CHD1L: variants seen among roughly 807,000 people sequenced by gnomAD.
CHD1L encodes chromodomain helicase DNA binding protein 1 like.
A neutral mutation model predicts 115.9 loss-of-function variants in CHD1L; 118 were observed. The observed-to-expected ratio is 1.02, with a 90% confidence interval of 0.88 to 1.19. The LOEUF is 1.19. Ranked by LOEUF, CHD1L falls within the 50% of genes most tolerant of loss-of-function variation. The probability of loss-of-function intolerance (pLI) is 0.00; values close to 1 mark genes in which losing one functional copy is unlikely to be tolerated. For synonymous variants in CHD1L, 411 were observed against 387.1 expected (o/e 1.06, Z -0.72); for missense variants, 1,179 against 1,065.3 (o/e 1.11, Z -1.49).
chr1:147,188,022 A>G, the CHD1L span, among the ~76,000 whole-genome samples: 1 of 152,156 alleles, frequency 6.6e-6, no homozygotes, highest in African/African-American at 2.4e-5. Context: ...AAAATGATAG[A>G]AAATAAATTT....
At chr1:147,220,956 A>AC in the CHD1L span, among the ~76,000 whole-genome samples, 1 of 151,830 alleles carries the variant, frequency 6.6e-6, no homozygotes, top group South Asian at 2.1e-4. Context: ...AAAAAAAAAA[A>AC]AAACAGTGGG....
At chr1:147,228,408 A>C in the CHD1L span, among the ~76,000 whole-genome samples, 2 of 151,900 alleles carry the variant, frequency 1.3e-5, no homozygotes, top group African/African-American at 4.8e-5. Context: ...CCAGTCTATC[A>C]TTGTTGGACA....
At chr1:147,273,462 C>T (rs1677056590) in intron 12 of CHD1L, among the ~76,000 whole-genome samples, 1 of 152,038 alleles carries the variant, frequency 6.6e-6, no homozygotes, top group Admixed American at 6.6e-5. Context: ...TTTGTTTTAT[C>T]TCCCTAATAA....
the CHD1L span, among the ~76,000 whole-genome samples, chr1:147,206,215 A>G: frequency 1.3e-5 from 2 of 150,718 alleles, no homozygotes; most frequent in Non-Finnish European, 3.0e-5. Flanking sequence ...AACCACAATG[A>G]GTTACCATCT....
intron 22 of CHD1L, 78 bp from the exon 23 acceptor site, chr1:147,295,350 CAAT>C: frequency 1.1e-6 from 1 of 895,942 alleles, no homozygotes. Context: ...ACAGTTATTT[CAAT>C]AATTACTAGA....
At chr1:147,272,059 G>A (rs760575812) in intron 11 of CHD1L, 112 bp from the exon 12 acceptor site, 799 of 717,038 alleles carry the variant, frequency 1.1e-3, no homozygotes, top group Non-Finnish European at 1.7e-3. Flanking sequence ...GTAGGGCTGT[G>A]CCTGTATATG....
At chr1:147,209,195 G>T in the CHD1L span, 1 of 563,170 alleles carries the variant, frequency 1.8e-6, no homozygotes, top group Non-Finnish European at 3.1e-6. Flanking sequence ...CAAGGCGGGC[G>T]GATCACGAGG....
the CHD1L span, among the ~76,000 whole-genome samples, chr1:147,218,275 C>T: frequency 3.3e-3 from 485 of 148,360 alleles, 4 homozygotes; most frequent in African/African-American, 0.011. Context: ...CTCACTCTGT[C>T]GCCAGGCTGG....
the CHD1L span, among the ~76,000 whole-genome samples, chr1:147,192,155 C>A: frequency 6.6e-6 from 1 of 152,072 alleles, no homozygotes; most frequent in Non-Finnish European, 1.5e-5. Flanking sequence ...ATGGAATGTT[C>A]TTCCATTTCT....
At chr1:147,188,931 A>T in the CHD1L span, among the ~76,000 whole-genome samples, 40 of 152,186 alleles carry the variant, frequency 2.6e-4, 1 homozygote, top group South Asian at 7.9e-3. Flanking sequence ...AAAGCACCAA[A>T]CTCAGTAGTG....
chr1:147,293,507 C>G, intron 20 of CHD1L, 101 bp from the exon 21 acceptor site: 1 of 864,196 alleles, frequency 1.2e-6, no homozygotes, highest in Non-Finnish European at 1.9e-6. Flanking sequence ...AGAGCCAAGC[C>G]CAAGTGACCC....
chr1:147,173,754 GC>G, the CHD1L span, among the ~76,000 whole-genome samples: 1 of 152,152 alleles, frequency 6.6e-6, no homozygotes, highest in African/African-American at 2.4e-5. Context: ...GCAGAATCAG[GC>G]CCCATCCCCA....
rs1683180480 is a variant in CHD1L at position 147,286,490 on chromosome 1, G to A, written c.2211G>A (p.Val737=). The A allele has an allele frequency of 6.2e-7, 1 of 1,613,466 alleles. No individual in the cohort carries two copies. Among genetic ancestry groups the A allele is most frequent in the South Asian group, 1.1e-5 (1 of 91,072 alleles). The part of the protein sequence containing the change: ...PQAGAEDALI[V]HCVDDSGHWG... ...CTGGGGCCGAGGATGCTCTCATTGT[G>A]CACTGCGTAGGTACGAGAAGTGGTA... Residue 737 remains valine (V), a synonymous_variant, in exon 18 of 23, where the codon GTG becomes GTA. Transcript: ENST00000369258.
At chr1:147,201,299 C>T in the CHD1L span, 2 of 1,614,164 alleles carry the variant, frequency 1.2e-6, no homozygotes, top group East Asian at 2.2e-5. Context: ...TTGTTTTTGA[C>T]CACTTTGACG....
chr1:147,219,278 A>G, the CHD1L span, among the ~76,000 whole-genome samples: 3 of 152,214 alleles, frequency 2.0e-5, no homozygotes, highest in African/African-American at 7.2e-5. Context: ...TTATACTTGT[A>G]TAATCGCTCC....
chr1:147,256,466 A>G (rs781368660), intron 4 of CHD1L, 65 bp from the exon 5 acceptor site: 174 of 1,403,112 alleles, frequency 1.2e-4, no homozygotes, highest in Non-Finnish European at 1.6e-4. Context: ...TTCACAGAAA[A>G]CTAGCTTATC....
chr1:147,209,357 C>G, the CHD1L span, among the ~76,000 whole-genome samples: 15 of 149,738 alleles, frequency 1.0e-4, no homozygotes, highest in Admixed American at 7.4e-4. Flanking sequence ...AGAATGGCGT[C>G]AACCTGGGAG....
chr1:147,271,725 C>T (rs1376560900), intron 11 of CHD1L, among the ~76,000 whole-genome samples: 3 of 152,154 alleles, frequency 2.0e-5, no homozygotes, highest in East Asian at 1.9e-4. Flanking sequence ...CTTCCCCACA[C>T]GGATGCATGG....
intron 12 of CHD1L, among the ~76,000 whole-genome samples, chr1:147,274,324 T>C (rs1677443737): frequency 6.6e-6 from 1 of 152,172 alleles, no homozygotes; most frequent in South Asian, 2.1e-4. Flanking sequence ...GTCATTATCA[T>C]TATTATTAGG....
Sources: gnomAD v4.1 joint callset for allele counts (sites outside exome capture counted in the v4.1 genomes callset) on GRCh38, gnomAD v4.1.1 for gene constraint, MANE v1.5 for transcripts, NCBI Gene and HGNC (gene_info 2026-07-23, HGNC 2026-07-21) for gene names.